The following ATG2B variants were observed in gnomAD, a reference collection of about 807,000 sequenced individuals.
ATG2B encodes autophagy-related protein 2 homolog B.
Under a neutral mutation model 241.3 loss-of-function variants are expected in ATG2B, and 121 were observed. The observed-to-expected ratio is 0.50, with a 90% CI of 0.43 to 0.58. ATG2B has a LOEUF of 0.58. Ranked by LOEUF, ATG2B falls within the 20% of genes least tolerant of loss-of-function variation. The pLI is 0.00. For synonymous variants in ATG2B, 858 were observed against 876.6 expected, an observed-to-expected ratio of 0.98 and a Z score of 0.37; for missense variants, 2,306 against 2,491.6, an observed-to-expected ratio of 0.93 and a Z score of 1.59.
Position 96,334,516 on chromosome 14 carries a change from A to C in ATG2B, c.925-15T>G, listed in dbSNP as rs546071931. ...TCAACATCCAACTTAAGGGAAAAAA[A>C]AAAACTATTCATGAGGAGTATTCTT... On this transcript the variant is annotated splice_polypyrimidine_tract_variant and intron_variant, in intron 6 of 41. Transcript: ENST00000359933. 8.0e-6 allele frequency: 12 copies of C among 1,501,502 alleles called. No individual in the cohort carries two copies. The African/African-American group carries it at 1.4e-4, about 18-fold the overall frequency. 93.0% of individuals were successfully genotyped at this position (1,501,502 alleles called of 1,614,324 possible).
intron 34 of ATG2B, 132 bp downstream of exon 34, chr14:96,301,875 T>C (rs1886800639): frequency 1.5e-6 from 1 of 661,578 alleles, no homozygotes; most frequent in Non-Finnish European, 2.6e-6. Flanking sequence ...TTTGCCCTAT[T>C]CTTTATCAGA....
At chr14:96,349,840 G>C (rs1888266592) in intron 1 of ATG2B, among the ~76,000 whole-genome samples, 1 of 152,150 alleles carries the variant, frequency 6.6e-6, no homozygotes, top group African/African-American at 2.4e-5. Flanking sequence ...AGCCATCTGG[G>C]TGGGAGATAC....
intron 41 of ATG2B, among the ~76,000 whole-genome samples, chr14:96,288,768 C>A (rs1886404234): frequency 1.4e-5 from 2 of 138,554 alleles, no homozygotes; most frequent in Admixed American, 7.4e-5. Flanking sequence ...AAAAGAATGT[C>A]AAAAAGAGTA....
chr14:96,290,507 C>T lies in ATG2B; in HGVS notation c.5785G>A (p.Ala1929Thr), dbSNP rs1886455886. Residue 1929 changes from alanine to threonine, a missense_variant, in exon 40 of 42, where the codon GCT becomes ACT. Ala to Thr is a moderately conservative substitution (Grantham distance 58, BLOSUM62 0). Transcript: ENST00000359933. The surrounding 1 kb of genome is among the most constrained non-coding windows in gnomAD (Gnocchi z 4.4). ...GRIVRGFQRG[A>T]ASFGTSTAMA... ...GCTGTCGAGGTACCAAAGGAAGCAG[C>T]GCCTCTCTGAAACCCTCTGACAATG... is the stretch of plus-strand genomic sequence containing the variant. 3 of 1,614,190 alleles carry T rather than the reference C, an allele frequency of 1.9e-6. No homozygotes were observed. Among genetic ancestry groups the T allele is most frequent in the South Asian group, 1.1e-5 (1 of 91,082 alleles).
chr14:96,306,659 G>T, intron 30 of ATG2B, 55 bp downstream of exon 30: 1 of 1,450,866 alleles, frequency 6.9e-7, no homozygotes, highest in Non-Finnish European at 9.4e-7. Context: ...GGTACCCTTT[G>T]GTCAATTCAT....
Position 96,341,702 on chromosome 14 carries a change from C to A in ATG2B, c.745-1G>T. ...TAGGTGAGAGCTTTGGCTCAGTTTC[C>A]TACAATAAAGTGACAAAAATAATTA... On this transcript the variant is annotated splice_acceptor_variant, in intron 5 of 41. Coordinates refer to ENST00000359933, the MANE Select transcript of ATG2B (RefSeq NM_018036.7). LOFTEE classifies it high-confidence loss of function. 6.5e-7 allele frequency: 1 copy of A among 1,539,232 alleles called. No individual in the cohort carries two copies. The highest frequency in any genetic ancestry group is 8.8e-7 in the Non-Finnish European group (1 of 1,142,588).
Position 96,331,357 on chromosome 14 carries a change from T to A in ATG2B, c.1730+19A>T. On this transcript the variant is annotated intron_variant, in intron 11 of 41. Transcript: ENST00000359933. ...ATGTGGAAGTTTAAAGGATCATTAA[T>A]ACATATGTGAGAGTTTACCTAAGGT... 1 of 1,594,270 alleles carries A rather than the reference T, an allele frequency of 6.3e-7. No individual in the cohort carries two copies. The highest frequency in any genetic ancestry group is 8.5e-7 in the Non-Finnish European group (1 of 1,171,976).
intron 1 of ATG2B, among the ~76,000 whole-genome samples, chr14:96,348,511 C>T (rs1321212590): frequency 1.3e-5 from 2 of 151,956 alleles, no homozygotes; most frequent in Admixed American, 1.3e-4. Context: ...GGTGAAATCC[C>T]GTCTCTACTA....
At chr14:96,323,842 A>G in intron 16 of ATG2B, 54 bp downstream of exon 16, 2 of 1,172,084 alleles carry the variant, frequency 1.7e-6, no homozygotes, top group Non-Finnish European at 2.5e-6. Flanking sequence ...GTTTAAAAGA[A>G]TATTTTATTT....
intron 6 of ATG2B, among the ~76,000 whole-genome samples, chr14:96,341,281 T>C (rs1268999231): frequency 6.6e-6 from 1 of 151,488 alleles, no homozygotes; most frequent in Non-Finnish European, 1.5e-5. Flanking sequence ...TACGGGAGAG[T>C]GAGTGTAGAA....
rs1050516145 is a variant in ATG2B at position 96,355,217 on chromosome 14, A to G, written c.162+7598T>C. Among the ~76,000 whole-genome samples the G allele has an allele frequency of 2.6e-5, 4 of 152,264 alleles. 1 individual carries two copies. The highest frequency in any genetic ancestry group is 6.5e-5 in the Admixed American group (1 of 15,300). On this transcript the variant is annotated intron_variant, in intron 1 of 41. Coordinates refer to ENST00000359933, the MANE Select transcript of ATG2B (RefSeq NM_018036.7). ...CATCATGAAATCTTTGCCCATGCCT[A>G]TGTCCTGAATGGTACTGCCTAGATT...
At chr14:96,341,352 T>C (rs1888029179) in intron 6 of ATG2B, among the ~76,000 whole-genome samples, 170 bp downstream of exon 6, 1 of 152,192 alleles carries the variant, frequency 6.6e-6, no homozygotes, top group Non-Finnish European at 1.5e-5. Flanking sequence ...CACATAAATT[T>C]TGTGACCTAG....
intron 10 of ATG2B, 126 bp from the exon 11 acceptor site, chr14:96,331,763 A>G: frequency 1.3e-6 from 1 of 781,132 alleles, no homozygotes; most frequent in Non-Finnish European, 2.0e-6. Flanking sequence ...AATGATATTA[A>G]ACAATTAATT....
intron 18 of ATG2B, among the ~76,000 whole-genome samples, chr14:96,318,626 C>G (rs115768879): frequency 6.6e-6 from 1 of 152,064 alleles, no homozygotes; most frequent in African/African-American, 2.4e-5. Flanking sequence ...TTATGACTAG[C>G]GAGACTAGCC....
Position 96,285,434 on chromosome 14 carries a change from A to G in ATG2B, c.*321T>C, listed in dbSNP as rs1886308087. 3 of 302,578 alleles carry G rather than the reference A, an allele frequency of 9.9e-6. No homozygotes were observed. The Admixed American group carries it at 1.3e-4, about 14-fold the overall frequency. The allele number at this position is 302,578 out of a possible 1,614,324, so 18.7% of individuals were successfully genotyped here. A position where few individuals can be genotyped will look rare whatever the true frequency, so the allele number is the denominator to read the frequency against. On this transcript the variant is annotated 3_prime_UTR_variant, in exon 42 of 42. Transcript: ENST00000359933. The surrounding 1 kb of genome is among the most constrained non-coding windows in gnomAD (Gnocchi z 4.2). ...TCCACAGAGCTACACAAAGTGTTAG[A>G]AGGCAGCTTCCAATGATCTCTCGTC... is the stretch of plus-strand genomic sequence containing the variant.
rs1304435799 is a variant in ATG2B, at chr14:96,315,557, T to C, written c.3388A>G (p.Thr1130Ala). 1.2e-6 allele frequency: 2 copies of C among 1,613,888 alleles called. No homozygotes were observed. The highest frequency in any genetic ancestry group is 2.2e-5 in the East Asian group (1 of 44,876). Residue 1130 changes from threonine to alanine, a missense_variant, in exon 22 of 42, where the codon ACA becomes GCA. Coordinates refer to ENST00000359933, the MANE Select transcript of ATG2B (RefSeq NM_018036.7). ...KGIVNGVILP[T>A]ETRLPSSTRP... ...GTTGAGCTGGGAAGTCGTGTTTCTG[T>C]CGGGAGAATCACTCCATTCACTATG...
Position 96,317,316 on chromosome 14 carries a change from A to T in ATG2B, c.3039T>A (p.Asp1013Glu), listed in dbSNP as rs1459913763. ...TCTCCTCCTCAGATCCACTTTCCTC[A>T]TCTATGAGAAATAAACATACAATTA... ...FSAFKSAVHY[D>E]EESGSEEETL... The change falls in exon 20 of 42, where the codon GAT becomes GAA. Residue 1013 changes from aspartate (D) to glutamate (E), a missense_variant and splice_region_variant. Asp to Glu is a conservative substitution (Grantham distance 45). This residue lies in a region of ATG2B where 1,927 missense variants were observed against 2,011.2 expected (regional missense o/e 0.96). Transcript: ENST00000359933. 4 of 1,605,788 alleles carry T rather than the reference A, an allele frequency of 2.5e-6. No homozygotes were observed. The highest frequency in any genetic ancestry group is 3.4e-6 in the Non-Finnish European group (4 of 1,176,504).
intron 36 of ATG2B, among the ~76,000 whole-genome samples, chr14:96,293,619 C>CTG (rs1886548035): frequency 6.6e-6 from 1 of 152,202 alleles, no homozygotes; most frequent in South Asian, 2.1e-4. Flanking sequence ...TGGCCACGAA[C>CTG]TGTGGTCTTG....
rs140224867 is a variant in ATG2B at position 96,324,917 on chromosome 14, T to C, written c.2437+732A>G. Among the ~76,000 whole-genome samples, 646 of 152,080 alleles carry C rather than the reference T, an allele frequency of 4.2e-3. 26 individuals are homozygous for C. In the South Asian group the frequency reaches 0.067, roughly 16 times the overall value. The stretch of plus-strand genomic sequence containing the variant: ...ATTCTCATGAGGGGTGGGAGTGTGG[T>C]TGCGGAGAGAGGGTGTCGTGGCAGA... On this transcript the variant is annotated intron_variant, in intron 15 of 41. Coordinates refer to ENST00000359933, the MANE Select transcript of ATG2B (RefSeq NM_018036.7).
Sources: gnomAD v4.1 joint callset for allele counts (sites outside exome capture counted in the v4.1 genomes callset) on GRCh38, gnomAD v4.1.1 for gene constraint, gnomAD v4.1.1 regional missense constraint, Gnocchi (gnomAD v3.1) non-coding constraint, MANE v1.5 for transcripts, NCBI Gene and HGNC (gene_info 2026-07-23, HGNC 2026-07-21) for gene names.